Variants in GPC5 observed in about 807,000 individuals in gnomAD.
The protein encoded by GPC5 is glypican 5.
Under a neutral mutation model 53.9 loss-of-function variants are expected in GPC5, and 47 were observed. That is an observed-to-expected ratio of 0.87 (90% CI 0.69 to 1.11). GPC5 has a LOEUF of 1.11. GPC5 is among the 50% of genes most tolerant of loss of function. GPC5 has a pLI of 0.00. For synonymous variants in GPC5, 286 were observed against 263.3 expected, an observed-to-expected ratio of 1.09 and a Z score of -0.84; for missense variants, 748 against 713.1, an observed-to-expected ratio of 1.05 and a Z score of -0.56.
At chr13:92,527,234 A>AGAAAG (rs1881376456) in intron 7 of GPC5, among the ~76,000 whole-genome samples, 1 of 38,924 alleles carries the variant, frequency 2.6e-5, no homozygotes, top group Non-Finnish European at 4.3e-5. Flanking sequence ...AGAAAGAAAG[A>AGAAAG]AAGAAAGAAA....
intron 7 of GPC5, among the ~76,000 whole-genome samples, chr13:92,145,881 C>T (rs2041863530): frequency 6.6e-6 from 1 of 152,110 alleles, no homozygotes; most frequent in African/African-American, 2.4e-5. Flanking sequence ...TTAGACATGC[C>T]TTTTGGTGGG....
intron 7 of GPC5, among the ~76,000 whole-genome samples, chr13:92,624,066 T>C (rs1884968485): frequency 7.2e-6 from 1 of 138,742 alleles, no homozygotes; most frequent in African/African-American, 2.7e-5. Context: ...TTCCCCACGT[T>C]GGCCAGGCTG....
intron 2 of GPC5, among the ~76,000 whole-genome samples, chr13:91,456,196 A>G (rs936750212): frequency 6.6e-6 from 1 of 152,176 alleles, no homozygotes; most frequent in Non-Finnish European, 1.5e-5. Context: ...CTTTTTGATC[A>G]GCCTGTTGTC....
At chr13:92,522,542 C>T (rs1403364564) in intron 7 of GPC5, among the ~76,000 whole-genome samples, 1 of 152,106 alleles carries the variant, frequency 6.6e-6, no homozygotes, top group African/African-American at 2.4e-5. Context: ...ACTGCAGGTT[C>T]TCACTCATAG....
At chr13:92,185,179 GGGA>G (rs1566474898) in intron 7 of GPC5, among the ~76,000 whole-genome samples, 1 of 152,044 alleles carries the variant, frequency 6.6e-6, no homozygotes, top group Non-Finnish European at 1.5e-5. Flanking sequence ...TCAATATCCT[GGGA>G]CCTTTATCAG....
chr13:92,045,313 T>C (rs991608124), intron 6 of GPC5, among the ~76,000 whole-genome samples: 1 of 152,082 alleles, frequency 6.6e-6, no homozygotes, highest in Non-Finnish European at 1.5e-5. Context: ...AGAGAAGCAA[T>C]ATATGAACCT....
intron 7 of GPC5, among the ~76,000 whole-genome samples, chr13:92,356,590 T>C (rs1180607544): frequency 6.6e-6 from 1 of 152,080 alleles, no homozygotes; most frequent in African/African-American, 2.4e-5. Flanking sequence ...ATGGATTGGA[T>C]ATAGGTGTGA....
chr13:92,770,977 C>T (rs753310972), intron 7 of GPC5, among the ~76,000 whole-genome samples: 1 of 152,058 alleles, frequency 6.6e-6, no homozygotes, highest in African/African-American at 2.4e-5. Flanking sequence ...CCTACCTCTC[C>T]ACTGACACGA....
intron 7 of GPC5, among the ~76,000 whole-genome samples, chr13:92,166,697 G>T (rs2042030132): frequency 6.6e-6 from 1 of 152,108 alleles, no homozygotes; most frequent in Admixed American, 6.6e-5. Context: ...AAAGAGAATA[G>T]AATACCCTTG....
chr13:91,984,235 G>A (rs1010854852), intron 6 of GPC5, among the ~76,000 whole-genome samples: 2 of 152,140 alleles, frequency 1.3e-5, no homozygotes, highest in African/African-American at 4.8e-5. Flanking sequence ...TGCACTGGCA[G>A]TTATTGTAGA....
intron 6 of GPC5, among the ~76,000 whole-genome samples, chr13:92,124,534 CT>C (rs1457251806): frequency 6.6e-6 from 1 of 152,176 alleles, no homozygotes; most frequent in African/African-American, 2.4e-5. Flanking sequence ...GCAAGCAACA[CT>C]TTTGACCATT....
chr13:92,475,642 C>T (rs1373361530), intron 7 of GPC5, among the ~76,000 whole-genome samples: 1 of 152,074 alleles, frequency 6.6e-6, no homozygotes, highest in African/African-American at 2.4e-5. Flanking sequence ...AACTATACTA[C>T]AAGGCTACAG....
chr13:92,676,094 C>A (rs1379751015), intron 7 of GPC5, among the ~76,000 whole-genome samples: 1 of 152,204 alleles, frequency 6.6e-6, no homozygotes, highest in East Asian at 1.9e-4. Context: ...TTACTTCCAA[C>A]GACATGCTAT....
At chr13:91,798,128 T>A (rs986410129) in intron 5 of GPC5, among the ~76,000 whole-genome samples, 23 of 152,332 alleles carry the variant, frequency 1.5e-4, no homozygotes, top group African/African-American at 5.5e-4. Flanking sequence ...TTTTATCATC[T>A]TAACATTTTA....
chr13:92,167,251 T>C (rs547065504), intron 7 of GPC5, among the ~76,000 whole-genome samples: 4 of 152,296 alleles, frequency 2.6e-5, no homozygotes, highest in Non-Finnish European at 5.9e-5. Context: ...TAGCAAGTTA[T>C]AGTCCATGAT....
Position 92,537,842 on chromosome 13 carries a change from A to G in GPC5, c.1562-328440A>G, listed in dbSNP as rs148688214. Among the ~76,000 whole-genome samples, 190 of 152,208 alleles carry G rather than the reference A, an allele frequency of 1.2e-3. No individual in the cohort carries two copies. The East Asian group carries it at 0.028, about 22-fold the overall frequency. ...CGTTTTATAAATCCAATCAATTATA[A>G]AGACACTGAATAAATCTCATCTTAA... On this transcript the variant is annotated intron_variant, in intron 7 of 7. Transcript: ENST00000377067.
At chr13:91,698,540 C>G (rs2035930052) in intron 3 of GPC5, among the ~76,000 whole-genome samples, 1 of 151,882 alleles carries the variant, frequency 6.6e-6, no homozygotes, top group Admixed American at 6.6e-5. Flanking sequence ...CTAATTTTGT[C>G]CAATTTATTC....
chr13:92,848,441 T>A (rs1046667790), intron 7 of GPC5, among the ~76,000 whole-genome samples: 2 of 152,176 alleles, frequency 1.3e-5, no homozygotes, highest in African/African-American at 4.8e-5. Flanking sequence ...TTATTTTTAC[T>A]AAGTTATATA....
chr13:91,964,384 T>G (rs2040160648), intron 6 of GPC5, among the ~76,000 whole-genome samples: 1 of 152,056 alleles, frequency 6.6e-6, no homozygotes, highest in South Asian at 2.1e-4. Flanking sequence ...TTACAGGGAG[T>G]TGATTGGTCC....
Sources: gnomAD v4.1 joint callset for allele counts (sites outside exome capture counted in the v4.1 genomes callset) on GRCh38, gnomAD v4.1.1 for gene constraint, MANE v1.5 for transcripts, NCBI Gene and HGNC (gene_info 2026-07-23, HGNC 2026-07-21) for gene names.